CPNE4: variants seen among roughly 807,000 people sequenced by gnomAD.
CPNE4 encodes the protein copine 4.
Under a neutral mutation model 67.9 loss-of-function variants are expected in CPNE4, and 25 were observed. That is an observed-to-expected ratio of 0.37 (90% CI 0.27 to 0.51). CPNE4 has a LOEUF of 0.51. Among genes scored for constraint, CPNE4 ranks in the 20% least tolerant of loss-of-function variants. CPNE4 has a pLI of 0.93. For missense variants in CPNE4, 464 were observed against 690.8 expected (o/e 0.67, Z 3.68); for synonymous variants, 242 against 244.9 (o/e 0.99, Z 0.11).
chr3:131,671,022 G>A (rs1402326264), intron 6 of CPNE4, among the ~76,000 whole-genome samples: 2 of 152,060 alleles, frequency 1.3e-5, no homozygotes, highest in African/African-American at 4.8e-5. Flanking sequence ...TACTGACCTC[G>A]GGTGATCCAC....
chr3:131,966,474 G>C (rs2072350736), intron 1 of CPNE4, among the ~76,000 whole-genome samples: 1 of 152,014 alleles, frequency 6.6e-6, no homozygotes, highest in East Asian at 1.9e-4. Flanking sequence ...TAGACCACTA[G>C]CCAGACTAAT....
chr3:131,877,078 AT>A (rs2087490991), intron 2 of CPNE4, among the ~76,000 whole-genome samples: 2 of 151,892 alleles, frequency 1.3e-5, no homozygotes, highest in Non-Finnish European at 2.9e-5. Context: ...TTCAAAGCTA[AT>A]GATTAGTTTT....
At chr3:131,652,597 TA>T (rs944937120) in intron 7 of CPNE4, among the ~76,000 whole-genome samples, 224 of 152,168 alleles carry the variant, frequency 1.5e-3, no homozygotes, top group African/African-American at 5.2e-3. Context: ...AAAGCCAATT[TA>T]AAAAAAATAA....
intron 2 of CPNE4, among the ~76,000 whole-genome samples, chr3:131,781,769 T>C (rs1450679318): frequency 6.6e-6 from 1 of 152,118 alleles, no homozygotes; most frequent in Non-Finnish European, 1.5e-5. Flanking sequence ...TAGTTAATGT[T>C]TCAGCCCTGT....
intron 7 of CPNE4, among the ~76,000 whole-genome samples, chr3:131,607,015 T>C (rs1223966646): frequency 1.3e-5 from 2 of 151,380 alleles, no homozygotes; most frequent in Admixed American, 6.6e-5. Flanking sequence ...AGTTCCTCGA[T>C]GAAACAAGAA....
At chr3:131,578,449 G>T (rs1052135850) in intron 9 of CPNE4, among the ~76,000 whole-genome samples, 1 of 151,982 alleles carries the variant, frequency 6.6e-6, no homozygotes, top group Non-Finnish European at 1.5e-5. Flanking sequence ...TTGAAATGAG[G>T]CCAGTTAATA....
At chr3:131,536,467 A>T (rs1314915225) in intron 15 of CPNE4, among the ~76,000 whole-genome samples, 1 of 152,248 alleles carries the variant, frequency 6.6e-6, no homozygotes, top group Non-Finnish European at 1.5e-5. Flanking sequence ...GGCAGACTTA[A>T]CAAGTGTTTG....
At chr3:131,637,021 G>A (rs1327967874) in intron 7 of CPNE4, among the ~76,000 whole-genome samples, 1 of 152,196 alleles carries the variant, frequency 6.6e-6, no homozygotes, top group African/African-American at 2.4e-5. Context: ...CACCCAGTGG[G>A]ACAAAAGAAT....
At chr3:131,619,439 T>C (rs952518704) in intron 7 of CPNE4, among the ~76,000 whole-genome samples, 3 of 152,102 alleles carry the variant, frequency 2.0e-5, no homozygotes, top group African/African-American at 7.2e-5. Context: ...TATTATAATA[T>C]AGGGAGAGAC....
chr3:131,913,512 G>C (rs1328648503), intron 1 of CPNE4, among the ~76,000 whole-genome samples: 1 of 152,168 alleles, frequency 6.6e-6, no homozygotes, highest in Middle Eastern at 3.2e-3. Flanking sequence ...CAGGGAAGAA[G>C]GGACGCAAGA....
At chr3:131,991,519 G>T (rs1252800565) in intron 1 of CPNE4, among the ~76,000 whole-genome samples, 3 of 136,048 alleles carry the variant, frequency 2.2e-5, no homozygotes, top group African/African-American at 7.4e-5. Context: ...GAACTTGAGA[G>T]AAATGATTAG....
chr3:131,842,437 C>G (rs961918784), intron 2 of CPNE4, among the ~76,000 whole-genome samples: 13 of 152,182 alleles, frequency 8.5e-5, no homozygotes, highest in Admixed American at 7.9e-4. Flanking sequence ...GAGAACTGGA[C>G]TCTCTTCCTC....
At chr3:131,819,144 T>C (rs774939692) in intron 2 of CPNE4, among the ~76,000 whole-genome samples, 2 of 152,020 alleles carry the variant, frequency 1.3e-5, no homozygotes, top group Non-Finnish European at 2.9e-5. Context: ...CTCAGGAGGG[T>C]ATGTGATTCC....
At chr3:131,753,886 A>T (rs1482320587) in intron 2 of CPNE4, among the ~76,000 whole-genome samples, 1 of 152,062 alleles carries the variant, frequency 6.6e-6, no homozygotes, top group Non-Finnish European at 1.5e-5. Context: ...ATTTTTTTTT[A>T]AATGTTAACT....
intron 5 of CPNE4, among the ~76,000 whole-genome samples, chr3:131,690,999 A>G (rs2081021464): frequency 6.6e-6 from 1 of 152,204 alleles, no homozygotes; most frequent in Non-Finnish European, 1.5e-5. Flanking sequence ...CAAAACCACA[A>G]TGAGATACCA....
At chr3:131,918,633 G>A (rs529885012) in intron 1 of CPNE4, among the ~76,000 whole-genome samples, 1 of 152,132 alleles carries the variant, frequency 6.6e-6, no homozygotes, top group Non-Finnish European at 1.5e-5. Flanking sequence ...TTTCTACAGA[G>A]CTGTGTGCTA....
intron 1 of CPNE4, among the ~76,000 whole-genome samples, chr3:131,946,527 G>A (rs1169844924): frequency 6.6e-6 from 1 of 152,008 alleles, no homozygotes; most frequent in Non-Finnish European, 1.5e-5. Context: ...GTGCTTGTTG[G>A]CCCTTTGTCT....
In CPNE4 at chr3:131,565,819, A is replaced by T. The variant is rs1425882472; in HGVS notation, c.928-1470T>A. 2.2e-4 allele frequency among the ~76,000 whole-genome samples: 14 copies of T among 65,014 alleles called. No individual in the cohort carries two copies. The Middle Eastern group carries it at 0.026, about 119-fold the overall frequency. The allele number at this position is 65,014 out of a possible 152,430, so 42.7% of individuals were successfully genotyped here. On this transcript the variant is annotated intron_variant, in intron 10 of 15. Transcript: ENST00000429747. ...ATAAATGCTAGTACTAAGAGTATGT[A>T]AAAAAAAAAAAAAAAAGGTTATCTG... is the stretch of plus-strand genomic sequence containing the variant.
At chr3:131,676,040 ATTATTATT>A (rs2080554209) in intron 6 of CPNE4, among the ~76,000 whole-genome samples, 1 of 117,496 alleles carries the variant, frequency 8.5e-6, no homozygotes, top group African/African-American at 4.7e-5. Context: ...TATTATTATT[ATTATTATT>A]ATTATTATTA....
Sources: gnomAD v4.1 joint callset for allele counts (sites outside exome capture counted in the v4.1 genomes callset) on GRCh38, gnomAD v4.1.1 for gene constraint, MANE v1.5 for transcripts, NCBI Gene and HGNC (gene_info 2026-07-23, HGNC 2026-07-21) for gene names.